Variants in FHIT observed in about 807,000 individuals in gnomAD.
FHIT encodes the protein fragile histidine triad diadenosine triphosphatase.
In FHIT, 19 loss-of-function variants were observed where a neutral mutation model predicts 17.9. The observed-to-expected ratio is 1.06, with a 90% confidence interval of 0.74 to 1.56. The LOEUF is 1.56. Among genes scored for constraint, FHIT ranks in the 40% most tolerant of loss-of-function variants. FHIT has a pLI of 0.00. For synonymous variants in FHIT, 81 were observed against 69.7 expected, an observed-to-expected ratio of 1.16 and a Z score of -0.81; for missense variants, 248 against 189.2, an observed-to-expected ratio of 1.31 and a Z score of -1.82.
At position 60,019,830 on chromosome 3, in the gene FHIT, G is replaced by T. The variant is rs188280882; in HGVS notation, c.104-5678C>A. On this transcript the variant is annotated intron_variant, in intron 5 of 9. Transcript: ENST00000492590. Reference sequence around the variant, plus strand: ...GTCACACAGTTAGGAGCACAGTTGGGATTGGAGCTCAACTGGTGAGCTTCC... The same window carrying T: ...GTCACACAGTTAGGAGCACAGTTGGTATTGGAGCTCAACTGGTGAGCTTCC... Among the ~76,000 whole-genome samples, 255 of 152,314 alleles carry T rather than the reference G, an allele frequency of 1.7e-3. 4 individuals carry two copies. The highest frequency in any genetic ancestry group is 0.01 in the Middle Eastern group (3 of 294).
intron 8 of FHIT, among the ~76,000 whole-genome samples, chr3:59,762,120 G>C (rs533802546): frequency 6.6e-6 from 1 of 152,126 alleles, no homozygotes; most frequent in Non-Finnish European, 1.5e-5. Context: ...GTGACTAACA[G>C]GCGGGTAGTG....
intron 5 of FHIT, among the ~76,000 whole-genome samples, chr3:60,116,775 G>A (rs1047878230): frequency 7.2e-5 from 11 of 152,060 alleles, no homozygotes; most frequent in South Asian, 4.1e-4. Flanking sequence ...ACACCATGAC[G>A]CAAATGACTT....
At chr3:60,393,960 G>C (rs753349702) in intron 5 of FHIT, among the ~76,000 whole-genome samples, 4 of 152,114 alleles carry the variant, frequency 2.6e-5, no homozygotes, top group Non-Finnish European at 5.9e-5. Context: ...GATTGATCCA[G>C]GAAGATGTCT....
intron 4 of FHIT, among the ~76,000 whole-genome samples, chr3:60,576,154 A>G (rs1399293175): frequency 6.6e-6 from 1 of 152,138 alleles, no homozygotes; most frequent in Non-Finnish European, 1.5e-5. Context: ...ATTACCCAAC[A>G]CAAGGCTGTA....
chr3:60,927,688 TGGGGAGCACCCCC>T (rs1413021546), intron 3 of FHIT, among the ~76,000 whole-genome samples: 1 of 146,464 alleles, frequency 6.8e-6, no homozygotes, highest in African/African-American at 2.6e-5. Context: ...GTCTGGGAGG[TGGGGAGCACCCCC>T]GCCCGGCAGC....
chr3:60,487,486 C>G (rs2033891345), intron 5 of FHIT, among the ~76,000 whole-genome samples: 1 of 152,176 alleles, frequency 6.6e-6, no homozygotes, highest in African/African-American at 2.4e-5. Context: ...TCTACGACAC[C>G]TGGAAGGCTC....
intron 4 of FHIT, among the ~76,000 whole-genome samples, chr3:60,554,600 C>T (rs1362520882): frequency 6.6e-6 from 1 of 152,150 alleles, no homozygotes; most frequent in African/African-American, 2.4e-5. Context: ...GTTCCTGTAG[C>T]ATCCCTTTAT....
intron 5 of FHIT, among the ~76,000 whole-genome samples, chr3:60,499,866 C>T (rs996009141): frequency 6.6e-6 from 1 of 151,794 alleles, no homozygotes; most frequent in Non-Finnish European, 1.5e-5. Context: ...CTCAAGCAGT[C>T]CCTCACTCTC....
At chr3:60,309,348 G>T (rs1708832875) in intron 5 of FHIT, among the ~76,000 whole-genome samples, 1 of 151,912 alleles carries the variant, frequency 6.6e-6, no homozygotes, top group African/African-American at 2.4e-5. Context: ...TTCCACTTCT[G>T]ACACTTTGGT....
chr3:59,883,906 C>A (rs552880909), intron 8 of FHIT, among the ~76,000 whole-genome samples: 1 of 151,934 alleles, frequency 6.6e-6, no homozygotes, highest in Non-Finnish European at 1.5e-5. Context: ...AAGAAAATAC[C>A]CTTTAGTGTT....
At chr3:60,195,553 A>ATATT (rs1553709043) in intron 5 of FHIT, among the ~76,000 whole-genome samples, 7 of 136,508 alleles carry the variant, frequency 5.1e-5, no homozygotes, top group Non-Finnish European at 9.2e-5. Flanking sequence ...TGTGATATAT[A>ATATT]TATATATTTA....
intron 8 of FHIT, among the ~76,000 whole-genome samples, chr3:59,913,314 A>G (rs987751328): frequency 6.6e-6 from 1 of 152,204 alleles, no homozygotes; most frequent in African/African-American, 2.4e-5. Flanking sequence ...TTCTCCCTAT[A>G]CATGGGTTTT....
At chr3:60,429,590 T>G (rs1702800585) in intron 5 of FHIT, among the ~76,000 whole-genome samples, 1 of 152,062 alleles carries the variant, frequency 6.6e-6, no homozygotes, top group Non-Finnish European at 1.5e-5. Context: ...GGCCCGGCCC[T>G]GTTTAAGGGT....
chr3:60,569,134 T>C (rs1234260524), intron 4 of FHIT, among the ~76,000 whole-genome samples: 1 of 152,158 alleles, frequency 6.6e-6, no homozygotes, highest in South Asian at 2.1e-4. Flanking sequence ...GTATGTTTTA[T>C]ACCCAAATTC....
intron 8 of FHIT, among the ~76,000 whole-genome samples, chr3:59,828,866 T>TGTGG (rs1701068212): frequency 6.6e-6 from 1 of 151,766 alleles, no homozygotes; most frequent in Admixed American, 6.6e-5. Flanking sequence ...TGTGTGTGTG[T>TGTGG]GTGTGTGTAT....
intron 5 of FHIT, among the ~76,000 whole-genome samples, chr3:60,466,492 C>G (rs1559937715): frequency 6.6e-6 from 1 of 151,912 alleles, no homozygotes. Context: ...TTCCCCTTCA[C>G]TATATTAGCT....
chr3:60,356,757 A>C (rs1011214792), intron 5 of FHIT, among the ~76,000 whole-genome samples: 3 of 57,970 alleles, frequency 5.2e-5, no homozygotes, highest in Non-Finnish European at 7.5e-5. Flanking sequence ...CAGAGACAAA[A>C]AAAAAAAAAA....
At chr3:60,021,964 A>C (rs1004305072) in intron 5 of FHIT, among the ~76,000 whole-genome samples, 1 of 152,256 alleles carries the variant, frequency 6.6e-6, no homozygotes, top group Non-Finnish European at 1.5e-5. Flanking sequence ...TCTTTACCGC[A>C]GTATTCATCA....
At chr3:60,234,835 A>G (rs1704685095) in intron 5 of FHIT, among the ~76,000 whole-genome samples, 1 of 152,210 alleles carries the variant, frequency 6.6e-6, no homozygotes, top group African/African-American at 2.4e-5. Flanking sequence ...ACACAGAAGT[A>G]TTAGTGATAG....
Sources: gnomAD v4.1 joint callset for allele counts (sites outside exome capture counted in the v4.1 genomes callset) on GRCh38, gnomAD v4.1.1 for gene constraint, MANE v1.5 for transcripts, NCBI Gene and HGNC (gene_info 2026-07-23, HGNC 2026-07-21) for gene names.